The following RYR3 variants were observed in gnomAD, a reference collection of about 807,000 sequenced individuals.
RYR3 encodes the protein brain ryanodine receptor-calcium release channel.
RYR3 carries 207 observed loss-of-function variants against 584.3 expected under a neutral mutation model. The ratio of observed to expected loss-of-function variants is 0.35; its 90% CI spans 0.32 to 0.40. The LOEUF is 0.40. RYR3 is among the 10% of genes least tolerant of loss of function. The pLI, the probability that RYR3 is intolerant of heterozygous loss-of-function variation, is 1.00. For missense variants in RYR3, 5,616 were observed against 6,089.2 expected, an observed-to-expected ratio of 0.92 and a Z score of 2.59; for synonymous variants, 2,416 against 2,248.5, an observed-to-expected ratio of 1.07 and a Z score of -2.11.
intron 2 of RYR3, among the ~76,000 whole-genome samples, chr15:33,494,698 C>A (rs1466297276): frequency 6.6e-6 from 1 of 152,170 alleles, no homozygotes; most frequent in Non-Finnish European, 1.5e-5. Context: ...TTTAAATTTT[C>A]TGCATCTTAC....
chr15:33,446,655 C>T (rs574146492), intron 1 of RYR3, among the ~76,000 whole-genome samples: 12 of 152,190 alleles, frequency 7.9e-5, no homozygotes, highest in Non-Finnish European at 1.8e-4. Context: ...CCTTAATTAT[C>T]ATTTATAAAA....
intron 1 of RYR3, among the ~76,000 whole-genome samples, chr15:33,359,254 A>G (rs1051320091): frequency 2.0e-5 from 3 of 152,212 alleles, no homozygotes; most frequent in Admixed American, 6.5e-5. Flanking sequence ...AAATACAACA[A>G]TAACAACACA....
intron 1 of RYR3, among the ~76,000 whole-genome samples, chr15:33,432,668 T>TTGTGTG (rs58292418): frequency 0.29 from 38,211 of 131,782 alleles, 5,745 homozygotes; most frequent in African/African-American, 0.35. Flanking sequence ...GCCTAGCTAA[T>TTGTGTG]TGTGTGTGTG....
intron 44 of RYR3, 58 bp downstream of exon 44, chr15:33,722,953 T>C (rs1017157327): frequency 2.8e-6 from 4 of 1,417,774 alleles, no homozygotes; most frequent in African/African-American, 2.9e-5. Flanking sequence ...TCAGATATTA[T>C]TGGTATACGG....
At chr15:33,754,932 G>A in intron 57 of RYR3, 133 bp from the exon 58 acceptor site, 1 of 621,732 alleles carries the variant, frequency 1.6e-6, no homozygotes, top group Non-Finnish European at 2.9e-6. Context: ...TCAGTCAAAT[G>A]ATGAGTCATG....
chr15:33,859,464 C>A, intron 99 of RYR3, 111 bp from the exon 100 acceptor site: 1 of 1,206,320 alleles, frequency 8.3e-7, no homozygotes, highest in Non-Finnish European at 1.2e-6. Context: ...GAGTTCCCCT[C>A]TCGTGGCTTA....
intron 45 of RYR3, 22 bp from the exon 46 acceptor site, chr15:33,726,364 C>A: frequency 6.2e-7 from 1 of 1,612,402 alleles, no homozygotes; most frequent in Non-Finnish European, 8.5e-7. Flanking sequence ...TATCTAATGT[C>A]ATTCTCAACC....
At chr15:33,811,382 G>A (rs915594832) in intron 72 of RYR3, among the ~76,000 whole-genome samples, 19 of 151,964 alleles carry the variant, frequency 1.3e-4, no homozygotes, top group Non-Finnish European at 1.5e-5. Context: ...GCGGGCGCCT[G>A]TAGTCTCAGC....
intron 65 of RYR3, among the ~76,000 whole-genome samples, chr15:33,783,381 G>GT (rs1268441455): frequency 2.0e-5 from 3 of 152,214 alleles, no homozygotes; most frequent in African/African-American, 4.8e-5. Context: ...AGCTGAGGCT[G>GT]TTTTTCTAGC....
chr15:33,700,905 C>A, intron 41 of RYR3, 72 bp from the exon 42 acceptor site: 2 of 1,055,342 alleles, frequency 1.9e-6, no homozygotes, highest in Non-Finnish European at 2.8e-6. Flanking sequence ...CGCTTACGTG[C>A]ACTGCAGTCT....
At chr15:33,842,699 C>T (rs2078449469) in intron 91 of RYR3, among the ~76,000 whole-genome samples, 1 of 152,154 alleles carries the variant, frequency 6.6e-6, no homozygotes. Context: ...GAAGAGGCTC[C>T]TGGAACTGTA....
At chr15:33,487,543 C>T (rs1242890228) in intron 2 of RYR3, among the ~76,000 whole-genome samples, 1 of 152,110 alleles carries the variant, frequency 6.6e-6, no homozygotes, top group African/African-American at 2.4e-5. Context: ...TTTACAAGTA[C>T]AAGCCTTGCT....
chr15:33,442,245 AT>A (rs1047006492), intron 1 of RYR3, among the ~76,000 whole-genome samples: 1 of 152,258 alleles, frequency 6.6e-6, no homozygotes, highest in Non-Finnish European at 1.5e-5. Context: ...GAGAGGAAAT[AT>A]AGCTAAAAGA....
In RYR3 at chr15:33,488,724, T is replaced by G. The variant is rs200112247; in HGVS notation, c.172-14907T>G. Among the ~76,000 whole-genome samples, 10 of 152,188 alleles carry G rather than the reference T, an allele frequency of 6.6e-5. No individual in the cohort carries two copies. In the East Asian group the frequency reaches 1.7e-3, roughly 27 times the overall value. On this transcript the variant is annotated intron_variant, in intron 2 of 103. Transcript: ENST00000634891. ...AAAATTAGCCAGGCATGGTGACACG[T>G]GCCTATAGTTCCAGCTATTCGGGAG...
intron 18 of RYR3, among the ~76,000 whole-genome samples, chr15:33,611,853 T>C (rs1460005099): frequency 1.3e-5 from 2 of 151,994 alleles, no homozygotes; most frequent in Admixed American, 1.3e-4. Context: ...GAGACAGAGT[T>C]TCACCATGTT....
intron 67 of RYR3, among the ~76,000 whole-genome samples, chr15:33,796,516 TC>T (rs2075633815): frequency 6.6e-6 from 1 of 152,236 alleles, no homozygotes; most frequent in African/African-American, 2.4e-5. Context: ...TTCTTGTTTT[TC>T]CTGTGACTGT....
At position 33,755,094 on chromosome 15, in the gene RYR3, C is replaced by T. The variant is rs773877009; in HGVS notation, c.8429C>T (p.Ser2810Phe). The change falls in exon 58 of 104, where the codon TCC becomes TTC. Residue 2810 changes from serine to phenylalanine, a missense_variant. Ser to Phe is a radical substitution (Grantham distance 155). Coordinates refer to ENST00000634891, the MANE Select transcript of RYR3 (RefSeq NM_001036.6). ...ATGAAGGATATGGAGCTGGATGCCT[C>T]CTCCATGGAGAAGAGGTTTGCCTAT... The part of the protein sequence containing the change: ...RGMKDMELDA[S>F]SMEKRFAYKF... The T allele has an allele frequency of 6.2e-7, 1 of 1,612,138 alleles. No individual in the cohort carries two copies. The highest frequency in any genetic ancestry group is 1.3e-5 in the African/African-American group (1 of 74,976).
intron 69 of RYR3, among the ~76,000 whole-genome samples, chr15:33,807,206 G>C (rs1175556769): frequency 6.6e-6 from 1 of 152,180 alleles, no homozygotes; most frequent in Non-Finnish European, 1.5e-5. Context: ...CAGGTGAAAG[G>C]AGGGAGGTAG....
chr15:33,636,715 TAGGGGAGATAATAGTG>T (rs2061518882), intron 27 of RYR3, among the ~76,000 whole-genome samples, 165 bp downstream of exon 27: 1 of 152,208 alleles, frequency 6.6e-6, no homozygotes. Context: ...TTCAAAGAAT[TAGGGGAGATAATAGTG>T]ATAGTTGGTG....
Sources: gnomAD v4.1 joint callset for allele counts (sites outside exome capture counted in the v4.1 genomes callset) on GRCh38, gnomAD v4.1.1 for gene constraint, MANE v1.5 for transcripts, NCBI Gene and HGNC (gene_info 2026-07-23, HGNC 2026-07-21) for gene names.